Variants in DMXL2 observed in about 807,000 individuals in gnomAD.
DMXL2 encodes the protein dmX-like protein 2.
In DMXL2, 103 loss-of-function variants were observed where a neutral mutation model predicts 331.1. The ratio of observed to expected loss-of-function variants is 0.31; its 90% CI spans 0.27 to 0.37. The LOEUF is 0.37. DMXL2 is among the 10% of genes least tolerant of loss of function. DMXL2 has a pLI of 1.00. For synonymous variants in DMXL2, 1,281 were observed against 1,252.1 expected, an observed-to-expected ratio of 1.02 and a Z score of -0.49; for missense variants, 3,171 against 3,642.9, an observed-to-expected ratio of 0.87 and a Z score of 3.33.
At chr15:51,607,614 G>A (rs770380262) in intron 1 of DMXL2, among the ~76,000 whole-genome samples, 2 of 152,104 alleles carry the variant, frequency 1.3e-5, no homozygotes, top group Non-Finnish European at 2.9e-5. Context: ...AATAAATGAT[G>A]AAAGATATTA....
At chr15:51,605,492 G>A (rs192469832) in intron 1 of DMXL2, among the ~76,000 whole-genome samples, 28 of 145,502 alleles carry the variant, frequency 1.9e-4, no homozygotes, top group African/African-American at 7.1e-4. Context: ...TGAGCTACCC[G>A]GCCCAGCCCA....
chr15:51,458,902 G>T, intron 34 of DMXL2, 107 bp from the exon 35 acceptor site: 1 of 831,340 alleles, frequency 1.2e-6, no homozygotes, highest in Non-Finnish European at 1.9e-6. Context: ...TGTAGCAGCA[G>T]CAGCAGCAGC....
Position 51,466,060 on chromosome 15 carries a change from T to C in DMXL2, c.7520+124A>G, listed in dbSNP as rs1027450888. On this transcript the variant is annotated intron_variant, in intron 30 of 43. Transcript: ENST00000560891. ...CCTCAAAGGTGTAGAATTTGTAACC[T>C]GGAAACATAAGTCATTTCTTATATA... 5.7e-6 allele frequency: 5 copies of C among 882,088 alleles called. No homozygotes were observed. The African/African-American group carries it at 7.1e-5, about 12-fold the overall frequency. 54.6% of individuals were successfully genotyped at this position (882,088 alleles called of 1,614,324 possible).
chr15:51,499,921 G>A lies in DMXL2; in HGVS notation c.3303C>T (p.Ser1101=). 6.2e-7 allele frequency: 1 copy of A among 1,614,008 alleles called. No individual in the cohort carries two copies. The highest frequency in any genetic ancestry group is 1.1e-5 in the South Asian group (1 of 91,074). The change falls in exon 18 of 44, where the codon TCC becomes TCT. Residue 1101 remains serine, a synonymous_variant. Transcript: ENST00000560891. Reference sequence around the variant, plus strand: ...CACATTCAAATATACAAACATGCATGGAAAATTCTTTAGAAACAAAACCAT... The same window carrying A: ...CACATTCAAATATACAAACATGCATAGAAAATTCTTTAGAAACAAAACCAT... ...HHNGFVSKEF[S]MHVCIFECES...
At position 51,568,556 on chromosome 15, in the gene DMXL2, A is replaced by T; in HGVS notation, c.216T>A (p.Ile72=). The part of the protein sequence containing the change: ...CVECSNQQGR[I]AASYGNAVCI... ...AAACAGCATTACCATATGAAGCTGC[A>T]ATCTAAAAAAGAATAAATACAGCAT... is the stretch of plus-strand genomic sequence containing the variant. Residue 72 remains isoleucine (I), a splice_region_variant and synonymous_variant, in exon 3 of 44, where the codon ATT becomes ATA. Coordinates refer to ENST00000560891, the MANE Select transcript of DMXL2 (RefSeq NM_001378457.1). The T allele has an allele frequency of 6.4e-7, 1 of 1,568,872 alleles. No homozygotes were observed. Among genetic ancestry groups the T allele is most frequent in the South Asian group, 1.2e-5 (1 of 83,326 alleles).
chr15:51,546,741 C>A (rs574246354), intron 7 of DMXL2, among the ~76,000 whole-genome samples: 1 of 152,060 alleles, frequency 6.6e-6, no homozygotes, highest in Admixed American at 6.6e-5. Context: ...TTTAAAAAAA[C>A]AACAACAAAA....
In DMXL2 at chr15:51,521,461, A is replaced by AGTAGTAGTG. The variant is rs1310234991; in HGVS notation, c.2437-4295_2437-4294insCACTACTAC. On this transcript the variant is annotated intron_variant, in intron 13 of 43. Coordinates refer to ENST00000560891, the MANE Select transcript of DMXL2 (RefSeq NM_001378457.1). The stretch of plus-strand genomic sequence containing the variant: ...TAGTAGTAGTAGTAGTAGTAGTAGT[A>AGTAGTAGTG]GTGGTAGTGGTAGTAGTAGTAGTAG... Among the ~76,000 whole-genome samples, 5 of 111,718 alleles carry AGTAGTAGTG rather than the reference A, an allele frequency of 4.5e-5. No homozygotes were observed. In the East Asian group the frequency reaches 1.1e-3, roughly 24 times the overall value. The allele number at this position is 111,718 out of a possible 152,430, so 73.3% of individuals were successfully genotyped here. A position where few individuals can be genotyped will look rare whatever the true frequency, so the allele number is the denominator to read the frequency against.
chr15:51,576,683 A>G (rs894861120), intron 1 of DMXL2, among the ~76,000 whole-genome samples: 9 of 152,234 alleles, frequency 5.9e-5, no homozygotes, highest in Admixed American at 5.2e-4. Flanking sequence ...AGGCAGAATT[A>G]CATGCACTAA....
chr15:51,591,286 T>C (rs2052303501), intron 1 of DMXL2, among the ~76,000 whole-genome samples: 1 of 152,196 alleles, frequency 6.6e-6, no homozygotes, highest in Non-Finnish European at 1.5e-5. Context: ...GGAGATTATA[T>C]CCCGCGCCTG....
Position 51,481,218 on chromosome 15 carries a change from C to T in DMXL2, c.5888G>A (p.Ser1963Asn), listed in dbSNP as rs1326183986. ...SNVTSSQYDW[S>N]QPIVKVDEEP... ...CTCATCAACTTTTACTATTGGCTGA[C>T]TCCAGTCATACTGTGATGAAGTTAC... is the stretch of plus-strand genomic sequence containing the variant. The change falls in exon 24 of 44, where the codon AGT becomes AAT. Residue 1963 changes from serine to asparagine, a missense_variant. Ser to Asn is a conservative substitution (Grantham distance 46, BLOSUM62 1). Transcript: ENST00000560891. The T allele has an allele frequency of 1.2e-6, 2 of 1,614,002 alleles. No homozygotes were observed. Among genetic ancestry groups the T allele is most frequent in the Middle Eastern group, 1.6e-4 (1 of 6,062 alleles).
At position 51,542,436 on chromosome 15, in the gene DMXL2, T is replaced by A; in HGVS notation, c.1002A>T (p.Leu334Phe). The change falls in exon 9 of 44, where the codon TTA (leucine) becomes TTT (phenylalanine). Residue 334 changes from leucine to phenylalanine, a missense_variant. Around this residue, in one of 7 missense-constraint regions of DMXL2, gnomAD observed 1,674 missense variants for 1,780.2 expected, o/e 0.94. Coordinates refer to ENST00000560891, the MANE Select transcript of DMXL2 (RefSeq NM_001378457.1). ...CATGCATTGCTGTCTGGTCGGGCAT[T>A]AATTCAGCATGAGTTACAAGAACAG... ...RSSVLVTHAE[L>F]MPDQTAMHEV... The A allele has an allele frequency of 1.2e-6, 2 of 1,613,848 alleles. No individual in the cohort carries two copies. Among genetic ancestry groups the A allele is most frequent in the Non-Finnish European group, 1.7e-6 (2 of 1,179,816 alleles).
At chr15:51,486,048 AAAAG>A in intron 23 of DMXL2, 21 bp downstream of exon 23, 2 of 1,535,662 alleles carry the variant, frequency 1.3e-6, no homozygotes, top group South Asian at 1.3e-5. Flanking sequence ...AAAAAGAAAA[AAAAG>A]AAATCCACAA....
At chr15:51,589,827 C>T (rs1362191849) in intron 1 of DMXL2, among the ~76,000 whole-genome samples, 1 of 152,060 alleles carries the variant, frequency 6.6e-6, no homozygotes, top group African/African-American at 2.4e-5. Context: ...AAATAGAGTA[C>T]TTTGATTCAG....
At chr15:51,475,174 T>C (rs1648677597) in intron 27 of DMXL2, among the ~76,000 whole-genome samples, 1 of 151,922 alleles carries the variant, frequency 6.6e-6, no homozygotes, top group African/African-American at 2.4e-5. Context: ...TGCCAAAAAA[T>C]ACGTAACCTG....
chr15:51,611,023 A>C (rs921290769), intron 1 of DMXL2, among the ~76,000 whole-genome samples: 1 of 152,130 alleles, frequency 6.6e-6, no homozygotes, highest in African/African-American at 2.4e-5. Context: ...AAATTCATCT[A>C]TTAGGGAGAA....
At chr15:51,603,047 A>G (rs950989993) in intron 1 of DMXL2, among the ~76,000 whole-genome samples, 13 of 152,236 alleles carry the variant, frequency 8.5e-5, no homozygotes, top group South Asian at 2.1e-4. Context: ...CCCCAAATCA[A>G]TAACATAGGT....
At chr15:51,607,932 T>C (rs1453120097) in intron 1 of DMXL2, among the ~76,000 whole-genome samples, 5 of 152,238 alleles carry the variant, frequency 3.3e-5, no homozygotes, top group Admixed American at 6.5e-5. Flanking sequence ...ACACCTGTAA[T>C]CCCAGCACTT....
chr15:51,524,580 G>C (rs2047562812), intron 13 of DMXL2, among the ~76,000 whole-genome samples: 1 of 152,176 alleles, frequency 6.6e-6, no homozygotes, highest in Non-Finnish European at 1.5e-5. Context: ...GGTGCTGAGA[G>C]AGTTTCTGTG....
At chr15:51,599,213 A>T (rs913603603) in intron 1 of DMXL2, among the ~76,000 whole-genome samples, 2 of 152,220 alleles carry the variant, frequency 1.3e-5, no homozygotes, top group African/African-American at 4.8e-5. Flanking sequence ...TTCTGGCACA[A>T]GAAATTCCAG....
Sources: gnomAD v4.1 joint callset for allele counts (sites outside exome capture counted in the v4.1 genomes callset) on GRCh38, gnomAD v4.1.1 for gene constraint, gnomAD v4.1.1 regional missense constraint, MANE v1.5 for transcripts, NCBI Gene and HGNC (gene_info 2026-07-23, HGNC 2026-07-21) for gene names.